STXBP5L: variants seen among roughly 807,000 people sequenced by gnomAD.
STXBP5L encodes the protein syntaxin binding protein 5L.
In STXBP5L, 65 loss-of-function variants were observed where a neutral mutation model predicts 144.5. The observed-to-expected ratio is 0.45, with a 90% CI of 0.37 to 0.55. The LOEUF is 0.55. STXBP5L is among the 20% of genes least tolerant of loss of function. The probability of loss-of-function intolerance (pLI) is 0.00; values close to 1 mark genes in which losing one functional copy is unlikely to be tolerated. For synonymous variants in STXBP5L, 505 were observed against 469.6 expected (o/e 1.08, Z -0.97); for missense variants, 1,298 against 1,405.5 (o/e 0.92, Z 1.22).
intron 16 of STXBP5L, 97 bp from the exon 17 acceptor site, chr3:121,257,064 C>A: frequency 1.1e-6 from 1 of 910,944 alleles, no homozygotes; most frequent in Non-Finnish European, 1.6e-6. Flanking sequence ...AAAAAGTTAT[C>A]AGGTATTTTA....
chr3:121,048,956 A>T (rs919051693), intron 5 of STXBP5L, among the ~76,000 whole-genome samples: 11 of 152,116 alleles, frequency 7.2e-5, no homozygotes, highest in African/African-American at 2.7e-4. Flanking sequence ...CAACCACTAT[A>T]TGTCCTCTCA....
At chr3:121,393,368 A>T (rs1290983728) in intron 22 of STXBP5L, among the ~76,000 whole-genome samples, 1 of 152,080 alleles carries the variant, frequency 6.6e-6, no homozygotes, top group Non-Finnish European at 1.5e-5. Context: ...TATTTTTCCC[A>T]TTCCTCAAGT....
Position 121,205,908 on chromosome 3 carries a change from A to ATT in STXBP5L, c.878-8_878-7dup. 14 of 1,311,652 alleles carry ATT rather than the reference A, an allele frequency of 1.1e-5. No individual in the cohort carries two copies. The highest frequency in any genetic ancestry group is 2.3e-4 in the Middle Eastern group (1 of 4,346). 81.3% of individuals were successfully genotyped at this position (1,311,652 alleles called of 1,614,324 possible). A position where few individuals can be genotyped will look rare whatever the true frequency, so the allele number is the denominator to read the frequency against. ...TAATTTAAATTAGATTCAATTAAAT[A>ATT]TTTTTTTTCTTTAGGAAAAAGTCAA... is the stretch of plus-strand genomic sequence containing the variant. On this transcript the variant is annotated splice_polypyrimidine_tract_variant and intron_variant, in intron 9 of 26. Coordinates refer to ENST00000471454, the MANE Select transcript of STXBP5L (RefSeq NM_001308330.2).
At chr3:121,374,545 T>C (rs1464249582) in intron 20 of STXBP5L, among the ~76,000 whole-genome samples, 1 of 151,798 alleles carries the variant, frequency 6.6e-6, no homozygotes, top group Non-Finnish European at 1.5e-5. Context: ...AGTATACAGA[T>C]AAATACAAAG....
intron 9 of STXBP5L, among the ~76,000 whole-genome samples, chr3:121,172,119 A>G (rs1408515931): frequency 6.6e-6 from 1 of 151,484 alleles, no homozygotes; most frequent in African/African-American, 2.4e-5. Context: ...GTTTTGGGAA[A>G]ACTGGCTAGC....
intron 7 of STXBP5L, among the ~76,000 whole-genome samples, chr3:121,126,725 T>C (rs1216580859): frequency 6.6e-6 from 1 of 152,186 alleles, no homozygotes. Context: ...AACAAAACAA[T>C]TTATTATCTT....
At chr3:121,387,092 C>T (rs1180221768) in intron 22 of STXBP5L, among the ~76,000 whole-genome samples, 1 of 152,174 alleles carries the variant, frequency 6.6e-6, no homozygotes, top group Admixed American at 6.5e-5. Context: ...TTAATGATTG[C>T]CATTCTAACG....
chr3:121,235,966 C>A (rs2049469345), intron 12 of STXBP5L, among the ~76,000 whole-genome samples: 2 of 152,158 alleles, frequency 1.3e-5, no homozygotes, highest in South Asian at 4.1e-4. Flanking sequence ...CCTAAAAAAA[C>A]ACAGTGTGTC....
chr3:121,252,202 A>C (rs1174746394), intron 15 of STXBP5L, among the ~76,000 whole-genome samples: 1 of 151,996 alleles, frequency 6.6e-6, no homozygotes, highest in Non-Finnish European at 1.5e-5. Context: ...TCTACTAAAA[A>C]ATATATAATA....
chr3:121,402,693 A>G (rs1354003700), intron 22 of STXBP5L, among the ~76,000 whole-genome samples: 1 of 152,190 alleles, frequency 6.6e-6, no homozygotes, highest in Non-Finnish European at 1.5e-5. Flanking sequence ...TTTACCATAA[A>G]TCATCACTAA....
intron 20 of STXBP5L, among the ~76,000 whole-genome samples, chr3:121,321,106 G>C (rs763299756): frequency 1.3e-4 from 20 of 152,108 alleles, no homozygotes; most frequent in Non-Finnish European, 2.9e-4. Context: ...TGTTACTTGA[G>C]GCAGAAATGA....
rs1399357805 is a variant in STXBP5L, at chr3:121,383,396, CA to C, written c.2587+1866del. The stretch of plus-strand genomic sequence containing the variant: ...TGGGTGACAGAGTGAGACTCCATCT[CA>C]ATGAAAAATAATAAAAAAATTAATT... On this transcript the variant is annotated intron_variant, in intron 22 of 26. Coordinates refer to ENST00000471454, the MANE Select transcript of STXBP5L (RefSeq NM_001308330.2). Among the ~76,000 whole-genome samples, 3 of 151,764 alleles carry C rather than the reference CA, an allele frequency of 2.0e-5. No homozygotes were observed. In the East Asian group the frequency reaches 5.8e-4, roughly 29 times the overall value.
At chr3:121,067,486 A>C (rs2041603274) in intron 5 of STXBP5L, among the ~76,000 whole-genome samples, 1 of 152,184 alleles carries the variant, frequency 6.6e-6, no homozygotes, top group Admixed American at 6.5e-5. Flanking sequence ...GAAAGATCAT[A>C]GTATATGGTT....
At chr3:121,191,079 C>T (rs999276101) in intron 9 of STXBP5L, among the ~76,000 whole-genome samples, 2 of 152,122 alleles carry the variant, frequency 1.3e-5, no homozygotes, top group African/African-American at 2.4e-5. Context: ...CAGAGGGGCT[C>T]CTCACATCCC....
chr3:121,145,685 T>C (rs1201802877), intron 7 of STXBP5L, among the ~76,000 whole-genome samples: 1 of 152,052 alleles, frequency 6.6e-6, no homozygotes, highest in Non-Finnish European at 1.5e-5. Flanking sequence ...TCTTGCAGTG[T>C]AATATATTGA....
chr3:121,203,001 G>C (rs2048196711), intron 9 of STXBP5L, among the ~76,000 whole-genome samples: 1 of 150,408 alleles, frequency 6.6e-6, no homozygotes, highest in Admixed American at 6.6e-5. Flanking sequence ...TTTCAATTAT[G>C]TATATTCTTG....
intron 22 of STXBP5L, among the ~76,000 whole-genome samples, chr3:121,391,243 T>C (rs552419876): frequency 5.9e-5 from 9 of 152,352 alleles, no homozygotes; most frequent in African/African-American, 1.9e-4. Context: ...CATCAGGTCA[T>C]TTAAGGTCTT....
intron 5 of STXBP5L, among the ~76,000 whole-genome samples, chr3:121,059,745 T>A (rs907673178): frequency 6.6e-6 from 1 of 152,192 alleles, no homozygotes; most frequent in Non-Finnish European, 1.5e-5. Context: ...CAATGGTGAA[T>A]GGGAATTCAC....
intron 3 of STXBP5L, among the ~76,000 whole-genome samples, chr3:120,972,464 T>TGAA (rs1188491016): frequency 6.6e-6 from 1 of 152,108 alleles, no homozygotes; most frequent in African/African-American, 2.4e-5. Flanking sequence ...TCTAGGAGTC[T>TGAA]TTTGGAGGAG....
Sources: allele counts gnomAD v4.1 joint callset (sites outside exome capture counted in the v4.1 genomes callset), GRCh38; gene constraint gnomAD v4.1.1; transcripts MANE v1.5; gene names NCBI Gene and HGNC (gene_info 2026-07-23, HGNC 2026-07-21).